Variants in FAM13A observed in about 807,000 individuals in gnomAD.
FAM13A encodes family with sequence similarity 13 member A, also known as protein FAM13A.
A neutral mutation model predicts 129.6 loss-of-function variants in FAM13A; 76 were observed. The observed-to-expected ratio is 0.59, with a 90% confidence interval of 0.49 to 0.71. The LOEUF (loss-of-function observed/expected upper bound fraction) is 0.71. Ranked by LOEUF, FAM13A falls within the 30% of genes least tolerant of loss-of-function variation. The pLI is 0.00. For synonymous variants in FAM13A, 443 were observed against 449.9 expected (o/e 0.98, Z 0.20); for missense variants, 1,108 against 1,249.3 (o/e 0.89, Z 1.70).
chr4:88,857,919 T>C lies in FAM13A; in HGVS notation c.844-6736A>G, dbSNP rs534876112. 3.9e-5 allele frequency among the ~76,000 whole-genome samples: 6 copies of C among 152,298 alleles called. No individual in the cohort carries two copies. In the South Asian group the frequency reaches 1.0e-3, roughly 26 times the overall value. On this transcript the variant is annotated intron_variant, in intron 6 of 23. Coordinates refer to ENST00000264344, the MANE Select transcript of FAM13A (RefSeq NM_014883.4). The stretch of plus-strand genomic sequence containing the variant: ...AACTAAATAATAGCATCTACTTTCT[T>C]CCTAGAAACATTGAAATGTTAACAA...
chr4:89,041,869 G>A (rs565754966), intron 1 of FAM13A, among the ~76,000 whole-genome samples: 27 of 151,800 alleles, frequency 1.8e-4, no homozygotes, highest in African/African-American at 6.3e-4. Context: ...GCAGTGAGCC[G>A]AGATCATGCC....
At chr4:88,824,705 A>ATTATTTATTTAT (rs56370073) in intron 7 of FAM13A, among the ~76,000 whole-genome samples, 47 of 150,904 alleles carry the variant, frequency 3.1e-4, no homozygotes, top group African/African-American at 6.8e-4. Flanking sequence ...TTAACACTTT[A>ATTATTTATTTAT]TTATTTATTT....
chr4:88,960,269 T>A (rs559476624), intron 4 of FAM13A, among the ~76,000 whole-genome samples: 20 of 152,362 alleles, frequency 1.3e-4, no homozygotes, highest in Middle Eastern at 6.8e-3. Context: ...TTTCTCTTTT[T>A]TGCTTTATTA....
chr4:88,930,157 A>G (rs573814664), intron 5 of FAM13A, among the ~76,000 whole-genome samples: 7 of 152,216 alleles, frequency 4.6e-5, no homozygotes, highest in African/African-American at 1.2e-4. Flanking sequence ...TTTAAAACCA[A>G]TATTTTGAAT....
intron 8 of FAM13A, among the ~76,000 whole-genome samples, chr4:88,792,592 T>C (rs1199303137): frequency 6.6e-6 from 1 of 152,066 alleles, no homozygotes; most frequent in Non-Finnish European, 1.5e-5. Flanking sequence ...CAATATATAA[T>C]TAACTCCTAT....
intron 6 of FAM13A, among the ~76,000 whole-genome samples, chr4:88,871,629 A>G (rs1029513195): frequency 1.3e-5 from 2 of 152,234 alleles, no homozygotes; most frequent in Non-Finnish European, 1.5e-5. Context: ...AAAGCATCCA[A>G]GAAATATGAG....
At chr4:88,908,326 C>G (rs1218331648) in intron 5 of FAM13A, among the ~76,000 whole-genome samples, 2 of 152,182 alleles carry the variant, frequency 1.3e-5, no homozygotes, top group Non-Finnish European at 2.9e-5. Flanking sequence ...TTTGACTATG[C>G]TTGGATAACA....
intron 4 of FAM13A, among the ~76,000 whole-genome samples, chr4:88,938,876 G>C (rs188947853): frequency 4.0e-3 from 614 of 152,248 alleles, no homozygotes; most frequent in Non-Finnish European, 6.1e-3. Context: ...AACTGACAAA[G>C]ATTAGTAGTT....
At chr4:88,800,870 AG>A in intron 8 of FAM13A, among the ~76,000 whole-genome samples, 6 of 152,168 alleles carry the variant, frequency 3.9e-5, no homozygotes, top group Non-Finnish European at 7.4e-5. Flanking sequence ...TCCACTTCTT[AG>A]TAGCCTAAAA....
At chr4:89,035,757 C>T (rs559928360) in intron 1 of FAM13A, among the ~76,000 whole-genome samples, 2 of 152,172 alleles carry the variant, frequency 1.3e-5, no homozygotes, top group Non-Finnish European at 2.9e-5. Context: ...CCTTTCCTCT[C>T]TTCCTCTTTC....
At chr4:88,893,378 A>C (rs1034114613) in intron 6 of FAM13A, among the ~76,000 whole-genome samples, 1 of 152,236 alleles carries the variant, frequency 6.6e-6, no homozygotes, top group Non-Finnish European at 1.5e-5. Context: ...TAATCCCAGC[A>C]CTTTGGGAGG....
rs769607889 is a variant in FAM13A at position 88,815,054 on chromosome 4, G to GCTGGT, written c.1008-10007_1008-10003dup. ...GACAGAGTCTCACTATGTTGCTCAGGCTGGTCTCCAACTCCTGGTTTCCAG... is the reference window on the plus strand; with the variant it reads ...GACAGAGTCTCACTATGTTGCTCAGGCTGGTCTGGTCTCCAACTCCTGGTTTCCAG... On this transcript the variant is annotated intron_variant, in intron 7 of 23. Transcript: ENST00000264344. Among the ~76,000 whole-genome samples the GCTGGT allele has an allele frequency of 3.9e-5, 6 of 152,108 alleles. No homozygotes were observed. The South Asian group carries it at 1.0e-3, about 26-fold the overall frequency.
chr4:88,942,438 A>T (rs886317009), intron 4 of FAM13A, among the ~76,000 whole-genome samples: 1 of 151,914 alleles, frequency 6.6e-6, no homozygotes, highest in Non-Finnish European at 1.5e-5. Flanking sequence ...GTGGTGGTGC[A>T]GGCCTGTCAT....
At chr4:88,757,982 A>C (rs536057414) in intron 14 of FAM13A, among the ~76,000 whole-genome samples, 1 of 152,276 alleles carries the variant, frequency 6.6e-6, no homozygotes, top group South Asian at 2.1e-4. Flanking sequence ...GCCGTCACGC[A>C]CATACTGTAT....
chr4:88,973,604 T>C (rs1422712426), intron 4 of FAM13A, among the ~76,000 whole-genome samples: 1 of 152,130 alleles, frequency 6.6e-6, no homozygotes, highest in Non-Finnish European at 1.5e-5. Context: ...TAAATCATAG[T>C]ATGATAATTC....
At chr4:88,921,354 C>T (rs139280977) in intron 5 of FAM13A, among the ~76,000 whole-genome samples, 23,680 of 152,156 alleles carry the variant, frequency 0.16, 2,051 homozygotes, top group Non-Finnish European at 0.2. Context: ...GCGGATCTCT[C>T]GGCAGAAACT....
At chr4:88,864,366 T>G (rs530779202) in intron 6 of FAM13A, among the ~76,000 whole-genome samples, 1 of 152,214 alleles carries the variant, frequency 6.6e-6, no homozygotes. Context: ...TTCAGAGTTA[T>G]TAAATCAAGA....
chr4:88,924,426 C>T (rs979776348), intron 5 of FAM13A, among the ~76,000 whole-genome samples: 6 of 152,118 alleles, frequency 3.9e-5, no homozygotes, highest in Non-Finnish European at 7.3e-5. Context: ...TGATCTTTGA[C>T]AAACCTGACA....
At chr4:88,946,752 G>A (rs942616049) in intron 4 of FAM13A, among the ~76,000 whole-genome samples, 1 of 151,796 alleles carries the variant, frequency 6.6e-6, no homozygotes. Flanking sequence ...TCTGGCTAAG[G>A]AGCCAGAGTT....
Sources: allele counts gnomAD v4.1 joint callset (sites outside exome capture counted in the v4.1 genomes callset), GRCh38; gene constraint gnomAD v4.1.1; transcripts MANE v1.5; gene names NCBI Gene and HGNC (gene_info 2026-07-23, HGNC 2026-07-21).